Variants in SLC38A1 observed in about 807,000 individuals in gnomAD.
The protein encoded by SLC38A1 is solute carrier family 38 member 1, also known as sodium-coupled neutral amino acid symporter 1.
SLC38A1 carries 18 observed loss-of-function variants against 60.3 expected under a neutral mutation model. The ratio of observed to expected loss-of-function variants is 0.30; its 90% CI spans 0.21 to 0.44. The LOEUF is 0.44. Ranked by LOEUF, SLC38A1 falls within the 20% of genes least tolerant of loss-of-function variation. The pLI is 1.00. For synonymous variants in SLC38A1, 196 were observed against 212.1 expected, an observed-to-expected ratio of 0.92 and a Z score of 0.66; for missense variants, 448 against 587.2, an observed-to-expected ratio of 0.76 and a Z score of 2.45.
At chr12:46,256,968 A>G (rs1156346588) in intron 1 of SLC38A1, among the ~76,000 whole-genome samples, 1 of 152,128 alleles carries the variant, frequency 6.6e-6, no homozygotes, top group Admixed American at 6.5e-5. Context: ...TGAGTAATAG[A>G]AAAGATAATA....
chr12:46,220,524 G>C (rs1261179191), intron 5 of SLC38A1, among the ~76,000 whole-genome samples: 2 of 152,176 alleles, frequency 1.3e-5, no homozygotes, highest in African/African-American at 2.4e-5. Flanking sequence ...TCTGTCTTTA[G>C]ATCACAAGAT....
At position 46,184,113 on chromosome 12, in the gene SLC38A1, CT is replaced by C. The variant is rs1938858563; in HGVS notation, c.*4856del. 6.6e-6 allele frequency: 1 copy of C among 152,610 alleles called. No homozygotes were observed. The highest frequency in any genetic ancestry group is 6.5e-5 in the Admixed American group (1 of 15,278). The allele number at this position is 152,610 out of a possible 1,614,324, so 9.5% of individuals were successfully genotyped here. On this transcript the variant is annotated 3_prime_UTR_variant, in exon 17 of 17. Coordinates refer to ENST00000398637, the MANE Select transcript of SLC38A1 (RefSeq NM_030674.4). ...TACAGATGGGCCCAGTTTCATAGCC[CT>C]TCCTTAGATAAAAGCCTAAAGAAGG...
At position 46,208,707 on chromosome 12, in the gene SLC38A1, G is replaced by A. The variant is rs183739524; in HGVS notation, c.388+347C>T. ...AGGTCTGTTTACTTTTAAAACCTTG[G>A]AAGTTATAATATAAAAACATGGGAT... On this transcript the variant is annotated intron_variant, in intron 6 of 16. Coordinates refer to ENST00000398637, the MANE Select transcript of SLC38A1 (RefSeq NM_030674.4). Among the ~76,000 whole-genome samples the A allele has an allele frequency of 3.9e-3, 601 of 152,210 alleles. 5 individuals carry two copies. The highest frequency in any genetic ancestry group is 6.8e-3 in the Non-Finnish European group (462 of 67,982).
chr12:46,198,135 G>A (rs2136979987), intron 14 of SLC38A1, 75 bp from the exon 15 acceptor site: 1 of 1,456,672 alleles, frequency 6.9e-7, no homozygotes, highest in Non-Finnish European at 9.4e-7. Flanking sequence ...CAGAGTAACT[G>A]ATTTATTGGT....
chr12:46,246,369 C>T (rs867490711), intron 1 of SLC38A1, among the ~76,000 whole-genome samples: 1 of 152,236 alleles, frequency 6.6e-6, no homozygotes, highest in Admixed American at 6.5e-5. Context: ...GCGCCTGGAT[C>T]GGCAGGTCCC....
chr12:46,226,666 C>A (rs377513781), intron 5 of SLC38A1, among the ~76,000 whole-genome samples: 35 of 147,058 alleles, frequency 2.4e-4, no homozygotes, highest in Admixed American at 8.9e-4. Context: ...GCTCTGTCCC[C>A]CAGGTTGGAC....
intron 9 of SLC38A1, among the ~76,000 whole-genome samples, chr12:46,205,550 A>G (rs571860043): frequency 5.5e-4 from 84 of 152,286 alleles, no homozygotes; most frequent in African/African-American, 2.0e-3. Context: ...CATAAAAACA[A>G]GTAGTAGATC....
At chr12:46,193,366 T>C (rs573798350) in intron 16 of SLC38A1, among the ~76,000 whole-genome samples, 3 of 152,326 alleles carry the variant, frequency 2.0e-5, no homozygotes, top group African/African-American at 4.8e-5. Context: ...TGGCCAATTT[T>C]AGAATAAGTG....
chr12:46,224,150 G>A (rs1940773723), intron 5 of SLC38A1, among the ~76,000 whole-genome samples: 1 of 152,040 alleles, frequency 6.6e-6, no homozygotes, highest in South Asian at 2.1e-4. Context: ...CTTTTATTTG[G>A]GTCCTCACTC....
chr12:46,219,769 A>G (rs1940578086), intron 5 of SLC38A1, among the ~76,000 whole-genome samples: 2 of 152,216 alleles, frequency 1.3e-5, no homozygotes, highest in Admixed American at 1.3e-4. Flanking sequence ...CCAATCATGG[A>G]GGTAAATAAT....
chr12:46,255,930 G>A (rs902292962), intron 1 of SLC38A1, among the ~76,000 whole-genome samples: 38 of 152,262 alleles, frequency 2.5e-4, no homozygotes, highest in Middle Eastern at 3.4e-3. Flanking sequence ...TTGGGAGGCC[G>A]AGGCGGGTGG....
chr12:46,241,390 A>T (rs1365190590), intron 2 of SLC38A1, among the ~76,000 whole-genome samples: 1 of 152,180 alleles, frequency 6.6e-6, no homozygotes, highest in Non-Finnish European at 1.5e-5. Context: ...CAGCCAGGCC[A>T]CACATTATTC....
chr12:46,253,724 A>G (rs1324553790), intron 1 of SLC38A1, among the ~76,000 whole-genome samples: 2 of 152,164 alleles, frequency 1.3e-5, no homozygotes, highest in Admixed American at 6.5e-5. Flanking sequence ...TCCTATTTAA[A>G]ATGGAGTTGC....
chr12:46,238,593 A>G (rs1433539942), intron 3 of SLC38A1, among the ~76,000 whole-genome samples: 1 of 152,194 alleles, frequency 6.6e-6, no homozygotes, highest in Non-Finnish European at 1.5e-5. Context: ...CTGTGCCGCT[A>G]ACTCCCAAGC....
intron 1 of SLC38A1, among the ~76,000 whole-genome samples, chr12:46,248,712 A>G (rs1310114790): frequency 6.6e-6 from 1 of 152,226 alleles, no homozygotes; most frequent in Non-Finnish European, 1.5e-5. Context: ...AATCAACAAA[A>G]TATACATTCT....
In SLC38A1 at chr12:46,186,432, C is replaced by T. The variant is rs1938938806; in HGVS notation, c.*2538G>A. On this transcript the variant is annotated 3_prime_UTR_variant, in exon 17 of 17. Transcript: ENST00000398637. ...TTAATCTACTAATTTAGCAGAAAAA[C>T]TTCCATAGCACTTGACTGTGCTGTT... 1 of 152,168 alleles carries T rather than the reference C, an allele frequency of 6.6e-6. No homozygotes were observed. Among genetic ancestry groups the T allele is most frequent in the African/African-American group, 2.4e-5 (1 of 41,430 alleles). 9.4% of individuals were successfully genotyped at this position (152,168 alleles called of 1,614,324 possible). A position where few individuals can be genotyped will look rare whatever the true frequency, so the allele number is the denominator to read the frequency against.
chr12:46,197,065 T>A (rs897141099), intron 16 of SLC38A1, among the ~76,000 whole-genome samples: 4 of 152,206 alleles, frequency 2.6e-5, no homozygotes, highest in Non-Finnish European at 5.9e-5. Context: ...CTGCATAACA[T>A]CTGTGAGTCC....
chr12:46,203,527 T>G (rs1464816388), intron 11 of SLC38A1, among the ~76,000 whole-genome samples: 1 of 152,162 alleles, frequency 6.6e-6, no homozygotes, highest in African/African-American at 2.4e-5. Flanking sequence ...TCGCTCTACA[T>G]CAGGTGCATG....
At chr12:46,198,150 A>G in intron 14 of SLC38A1, 90 bp from the exon 15 acceptor site, 1 of 1,377,254 alleles carries the variant, frequency 7.3e-7, no homozygotes. Flanking sequence ...ATTGGTGCAC[A>G]GGAATTCATG....
Sources: allele counts gnomAD v4.1 joint callset (sites outside exome capture counted in the v4.1 genomes callset), GRCh38; gene constraint gnomAD v4.1.1; transcripts MANE v1.5; gene names NCBI Gene and HGNC (gene_info 2026-07-23, HGNC 2026-07-21).